Variants in SVEP1 observed in about 807,000 individuals in gnomAD.
SVEP1 encodes sushi, von Willebrand factor type A, EGF and pentraxin domain containing 1.
A neutral mutation model predicts 367.3 loss-of-function variants in SVEP1; 164 were observed. That is an observed-to-expected ratio of 0.45 (90% CI 0.39 to 0.51). The LOEUF is 0.51. Among genes scored for constraint, SVEP1 ranks in the 20% least tolerant of loss-of-function variants. SVEP1 has a pLI of 0.00. For synonymous variants in SVEP1, 1,666 were observed against 1,611.6 expected (o/e 1.03, Z -0.81); for missense variants, 4,117 against 4,425.3 (o/e 0.93, Z 1.98).
rs76469101 is a variant in SVEP1, at chr9:110,429,317, G to A, written c.5633C>T (p.Thr1878Ile). Residue 1878 changes from threonine (T) to isoleucine (I), a missense_variant, in exon 35 of 48, where the codon ACT (threonine) becomes ATT (isoleucine). By Grantham distance (89) the Thr-to-Ile change is moderately conservative. Around this residue, in one of 4 missense-constraint regions of SVEP1, gnomAD observed 2,174 missense variants for 2,494.3 expected, o/e 0.87. Transcript: ENST00000374469. The stretch of plus-strand genomic sequence containing the variant: ...GGATGATTCTTTATCACCGGCCAGA[G>A]TATATCCTTTATTACACCTAAAGAA... ...KVTYRCNKGY[T>I]LAGDKESSCL... The A allele has an allele frequency of 0.024, 37,751 of 1,567,712 alleles. 547 individuals are homozygous for A. Among genetic ancestry groups the A allele is most frequent in the Non-Finnish European group, 0.029 (33,275 of 1,158,448 alleles).
chr9:110,499,277 C>G, intron 6 of SVEP1, 39 bp from the exon 7 acceptor site: 2 of 1,560,298 alleles, frequency 1.3e-6, no homozygotes, highest in Non-Finnish European at 1.7e-6. Flanking sequence ...TTTGTGTTCC[C>G]ACAAATTGGA....
intron 40 of SVEP1, among the ~76,000 whole-genome samples, chr9:110,392,266 T>C (rs1033988054): frequency 5.9e-5 from 9 of 151,878 alleles, no homozygotes; most frequent in African/African-American, 1.9e-4. Context: ...CCCTCTGCCC[T>C]GTCAATTTAT....
chr9:110,526,615 T>C (rs757247061), intron 3 of SVEP1, among the ~76,000 whole-genome samples: 12 of 152,114 alleles, frequency 7.9e-5, no homozygotes, highest in South Asian at 4.1e-4. Flanking sequence ...CTGGAAAACA[T>C]TTTGGCAAGT....
At chr9:110,449,485 C>T (rs570103130) in intron 24 of SVEP1, among the ~76,000 whole-genome samples, 2 of 152,266 alleles carry the variant, frequency 1.3e-5, no homozygotes, top group Non-Finnish European at 2.9e-5. Context: ...GAGTTCAAGA[C>T]CAGCCTGGCC....
intron 1 of SVEP1, among the ~76,000 whole-genome samples, chr9:110,562,571 C>T (rs565734107): frequency 2.0e-5 from 3 of 152,272 alleles, no homozygotes; most frequent in African/African-American, 7.2e-5. Context: ...AGGGAAAGAA[C>T]AGAGAGGTAC....
In SVEP1 at chr9:110,533,611, C is replaced by CTGTGTGTGT. The variant is rs1564169728; in HGVS notation, c.964+12503_964+12504insACACACACA. On this transcript the variant is annotated intron_variant, in intron 3 of 47. Coordinates refer to ENST00000374469, the MANE Select transcript of SVEP1 (RefSeq NM_153366.4). ...CTGTGTGTCTGTGTGTGTGTGTGCA[C>CTGTGTGTGT]GCACACGTGTGTGTGTATTTTGGCA... Among the ~76,000 whole-genome samples, 25 of 59,602 alleles carry CTGTGTGTGT rather than the reference C, an allele frequency of 4.2e-4. No individual in the cohort carries two copies. The East Asian group carries it at 6.9e-3, about 17-fold the overall frequency. 39.1% of individuals were successfully genotyped at this position (59,602 alleles called of 152,430 possible). A position where few individuals can be genotyped will look rare whatever the true frequency, so the allele number is the denominator to read the frequency against.
chr9:110,378,175 T>C (rs10816999), intron 44 of SVEP1, among the ~76,000 whole-genome samples: 42,108 of 152,102 alleles, frequency 0.28, 6,426 homozygotes, highest in Middle Eastern at 0.5. Flanking sequence ...CATTTATCTG[T>C]CAACAGACAT....
intron 22 of SVEP1, among the ~76,000 whole-genome samples, chr9:110,452,788 A>G (rs1828713213): frequency 6.6e-6 from 1 of 152,210 alleles, no homozygotes; most frequent in Non-Finnish European, 1.5e-5. Flanking sequence ...ACTATAATTG[A>G]TAGAGTATGC....
intron 8 of SVEP1, among the ~76,000 whole-genome samples, chr9:110,491,551 C>G (rs1356055355): frequency 6.7e-6 from 1 of 149,404 alleles, no homozygotes; most frequent in Admixed American, 6.7e-5. Context: ...ATTTTAGTAA[C>G]CTATTACTAT....
At chr9:110,526,419 A>G (rs1202565620) in intron 3 of SVEP1, among the ~76,000 whole-genome samples, 1 of 152,166 alleles carries the variant, frequency 6.6e-6, no homozygotes, top group East Asian at 1.9e-4. Context: ...GCAAATAAAC[A>G]TATGAAAAGA....
intron 1 of SVEP1, among the ~76,000 whole-genome samples, chr9:110,574,060 C>T (rs1830597386): frequency 6.6e-6 from 1 of 152,190 alleles, no homozygotes; most frequent in Non-Finnish European, 1.5e-5. Context: ...CCAATTCTGA[C>T]ACCAAATAAT....
intron 10 of SVEP1, 115 bp downstream of exon 10, chr9:110,483,471 C>A: frequency 1.9e-6 from 1 of 522,502 alleles, no homozygotes; most frequent in Non-Finnish European, 3.3e-6. Context: ...TATAATTATT[C>A]ATTCTCCCTA....
At chr9:110,567,338 GC>G (rs1830504332) in intron 1 of SVEP1, among the ~76,000 whole-genome samples, 1 of 152,016 alleles carries the variant, frequency 6.6e-6, no homozygotes, top group Non-Finnish European at 1.5e-5. Context: ...CCACATTTTG[GC>G]AAAATATCAA....
chr9:110,480,795 C>T (rs1829173868), intron 12 of SVEP1, among the ~76,000 whole-genome samples: 1 of 150,082 alleles, frequency 6.7e-6, no homozygotes, highest in African/African-American at 2.5e-5. Context: ...CCAGGCCCAA[C>T]TAATTTTTTT....
At chr9:110,494,915 T>C (rs1829422692) in intron 8 of SVEP1, among the ~76,000 whole-genome samples, 1 of 152,098 alleles carries the variant, frequency 6.6e-6, no homozygotes, top group African/African-American at 2.4e-5. Flanking sequence ...TTAATCTCTC[T>C]ATAAGTTTAT....
intron 47 of SVEP1, among the ~76,000 whole-genome samples, chr9:110,368,920 T>C (rs1827238005): frequency 6.6e-6 from 1 of 152,226 alleles, no homozygotes; most frequent in South Asian, 2.1e-4. Flanking sequence ...TGCTTTTTTA[T>C]ATTTGCAAGT....
chr9:110,466,044 A>C lies in SVEP1; in HGVS notation c.3161-18T>G, dbSNP rs1165090908. Reference sequence around the variant, plus strand: ...ACACTGAGCTGAAAAGAAAAAGGTAATATTACTATCAATAATGATATTAAG... The same window carrying C: ...ACACTGAGCTGAAAAGAAAAAGGTACTATTACTATCAATAATGATATTAAG... On this transcript the variant is annotated intron_variant, in intron 17 of 47. Coordinates refer to ENST00000374469, the MANE Select transcript of SVEP1 (RefSeq NM_153366.4). 1.9e-6 allele frequency: 3 copies of C among 1,605,914 alleles called. No homozygotes were observed. Among genetic ancestry groups the C allele is most frequent in the Non-Finnish European group, 2.6e-6 (3 of 1,174,296 alleles).
Position 110,573,565 on chromosome 9 carries a change from G to C in SVEP1, c.531+5448C>G, listed in dbSNP as rs565363376. 1.8e-4 allele frequency among the ~76,000 whole-genome samples: 26 copies of C among 146,772 alleles called. No individual in the cohort carries two copies. The East Asian group carries it at 4.1e-3, about 23-fold the overall frequency. ...GAATTCAGGAACAATGAGGAAAGCA[G>C]ATTTTTTTTTTTTCAAAGGAAGCTT... is the stretch of plus-strand genomic sequence containing the variant. On this transcript the variant is annotated intron_variant, in intron 1 of 47. Transcript: ENST00000374469.
intron 30 of SVEP1, among the ~76,000 whole-genome samples, chr9:110,433,441 C>A: frequency 6.8e-6 from 1 of 146,850 alleles, no homozygotes; most frequent in East Asian, 2.0e-4. Context: ...AGTCTAGCCT[C>A]CACCTAACCC....
Sources: allele counts gnomAD v4.1 joint callset (sites outside exome capture counted in the v4.1 genomes callset), GRCh38; gene constraint gnomAD v4.1.1; regional missense constraint gnomAD v4.1.1; transcripts MANE v1.5; gene names NCBI Gene and HGNC (gene_info 2026-07-23, HGNC 2026-07-21).